The following SEPTIN10 variants were observed in gnomAD, a reference collection of about 807,000 sequenced individuals.
SEPTIN10 encodes the protein septin-10.
SEPTIN10 carries 66 observed loss-of-function variants against 54.8 expected under a neutral mutation model. The ratio of observed to expected loss-of-function variants is 1.21; its 90% CI spans 0.99 to 1.48. SEPTIN10 has a LOEUF of 1.48. Ranked by LOEUF, SEPTIN10 falls within the 40% of genes most tolerant of loss-of-function variation. The pLI is 0.00. For missense variants in SEPTIN10, 620 were observed against 545.6 expected (o/e 1.14, Z -1.36); for synonymous variants, 161 against 181.0 (o/e 0.89, Z 0.89).
chr2:109,606,733 G>A (rs999734033), intron 1 of SEPTIN10, among the ~76,000 whole-genome samples: 18 of 131,490 alleles, frequency 1.4e-4, no homozygotes, highest in African/African-American at 5.3e-4. Flanking sequence ...AGGCTGGAGT[G>A]CAGTGGTGCA....
chr2:109,612,223 G>A (rs183571313), intron 1 of SEPTIN10, among the ~76,000 whole-genome samples: 1 of 152,176 alleles, frequency 6.6e-6, no homozygotes, highest in Admixed American at 6.5e-5. Context: ...GTTACTAACT[G>A]GGTGATTCCA....
intron 5 of SEPTIN10, among the ~76,000 whole-genome samples, chr2:109,568,473 G>C (rs772272038): frequency 6.7e-6 from 1 of 149,796 alleles, no homozygotes; most frequent in Non-Finnish European, 1.5e-5. Flanking sequence ...CTGGGTTCAA[G>C]CGATTCTCTT....
intron 2 of SEPTIN10, among the ~76,000 whole-genome samples, chr2:109,592,533 A>T (rs1389230230): frequency 6.6e-6 from 1 of 151,944 alleles, no homozygotes; most frequent in East Asian, 1.9e-4. Context: ...TAATCCTAGC[A>T]CTTTGGGAGG....
chr2:109,609,081 T>C (rs897431309), intron 1 of SEPTIN10, among the ~76,000 whole-genome samples: 61 of 152,192 alleles, frequency 4.0e-4, no homozygotes, highest in African/African-American at 1.5e-3. Flanking sequence ...AAACATAACC[T>C]GGCACTATGT....
intron 2 of SEPTIN10, among the ~76,000 whole-genome samples, chr2:109,589,132 GTTTGT>G (rs1239231041): frequency 2.0e-5 from 3 of 151,962 alleles, no homozygotes; most frequent in East Asian, 1.9e-4. Context: ...GTTGTTGTTG[GTTTGT>G]TTTGTTTTTT....
At position 109,553,154 on chromosome 2, in the gene SEPTIN10, T is replaced by C; in HGVS notation, c.1094A>G (p.Glu365Gly). Residue 365 changes from glutamate to glycine, a missense_variant, in exon 9 of 11, where the codon GAA (glutamate) becomes GGA (glycine). By Grantham distance (98) the Glu-to-Gly change is moderately conservative. Coordinates refer to ENST00000397712, the MANE Select transcript of SEPTIN10 (RefSeq NM_144710.5). ...TCGCTGCACAAACATCTGTTTCATT[T>C]CTTCTTCCTTCCTCTGACGTTCACC... ...FHGERQRKEE[E>G]MKQMFVQRVK... 1 of 1,614,140 alleles carries C rather than the reference T, an allele frequency of 6.2e-7. No homozygotes were observed. Among genetic ancestry groups the C allele is most frequent in the South Asian group, 1.1e-5 (1 of 91,084 alleles).
Position 109,613,841 on chromosome 2 carries a change from G to A in SEPTIN10, c.-14C>T. ...GGAGGAGGCCATGGTCGCGGGCAGGGGCACGGTGAAGCGGCTGTATCAGCC... is the reference window on the plus strand; with the variant it reads ...GGAGGAGGCCATGGTCGCGGGCAGGAGCACGGTGAAGCGGCTGTATCAGCC... On this transcript the variant is annotated 5_prime_UTR_variant, in exon 1 of 11. Coordinates refer to ENST00000397712, the MANE Select transcript of SEPTIN10 (RefSeq NM_144710.5). 5 of 1,237,240 alleles carry A rather than the reference G, an allele frequency of 4.0e-6. No individual in the cohort carries two copies. Among genetic ancestry groups the A allele is most frequent in the South Asian group, 3.9e-5 (1 of 25,834 alleles). 76.6% of individuals were successfully genotyped at this position (1,237,240 alleles called of 1,614,324 possible). A position where few individuals can be genotyped will look rare whatever the true frequency, so the allele number is the denominator to read the frequency against.
chr2:109,577,280 A>G (rs1689901644), intron 4 of SEPTIN10, among the ~76,000 whole-genome samples: 1 of 152,198 alleles, frequency 6.6e-6, no homozygotes, highest in Non-Finnish European at 1.5e-5. Context: ...CTGGCCATAT[A>G]ATAATACCTC....
At chr2:109,545,759 C>G (rs1361325444) in intron 10 of SEPTIN10, 7 of 1,426,058 alleles carry the variant, frequency 4.9e-6, no homozygotes, top group Non-Finnish European at 6.4e-6. Flanking sequence ...ATAAGAGCAG[C>G]CATTTTCCCC....
At chr2:109,571,411 T>A (rs1254652093) in intron 5 of SEPTIN10, among the ~76,000 whole-genome samples, 2 of 152,214 alleles carry the variant, frequency 1.3e-5, no homozygotes, top group Non-Finnish European at 2.9e-5. Context: ...CTAGGCTGTA[T>A]GGTATGGCTC....
intron 9 of SEPTIN10, among the ~76,000 whole-genome samples, chr2:109,547,088 C>T (rs1681452426): frequency 3.3e-5 from 5 of 152,144 alleles, no homozygotes; most frequent in Admixed American, 3.3e-4. Context: ...AAAGGTTAAC[C>T]ACCAAAGACA....
intron 1 of SEPTIN10, chr2:109,613,051 A>T (rs948504421): frequency 1.8e-5 from 10 of 549,164 alleles, no homozygotes; most frequent in African/African-American, 1.7e-4. Flanking sequence ...TAAAAGGGAG[A>T]ATTTGTTTTT....
Position 109,593,118 on chromosome 2 carries a change from A to T in SEPTIN10, c.32T>A (p.Leu11His), listed in dbSNP as rs1694467792. Residue 11 changes from leucine (L) to histidine (H), a missense_variant and splice_region_variant, in exon 2 of 11, where the codon CTC (leucine) becomes CAC (histidine). Transcript: ENST00000397712. MASSEVARHL[L>H]FQSHMATKTT... ...TTTCGTTGCCATGTGAGACTGAAAG[A>T]GCTAAAAAAGGAATACAAAGGCTTA... The T allele has an allele frequency of 1.3e-6, 2 of 1,593,694 alleles. No homozygotes were observed. Among genetic ancestry groups the T allele is most frequent in the African/African-American group, 2.7e-5 (2 of 74,270 alleles).
intron 8 of SEPTIN10, among the ~76,000 whole-genome samples, chr2:109,561,695 A>T (rs1685689667): frequency 6.6e-6 from 1 of 151,534 alleles, no homozygotes; most frequent in Non-Finnish European, 1.5e-5. Flanking sequence ...ACACCCCTAA[A>T]CTCTCTGATT....
chr2:109,592,271 C>A (rs1161017239), intron 2 of SEPTIN10, among the ~76,000 whole-genome samples: 1 of 151,826 alleles, frequency 6.6e-6, no homozygotes, highest in East Asian at 1.9e-4. Context: ...TCGAGACCAG[C>A]CTGGGCAACC....
At chr2:109,548,542 G>A (rs1204891591) in intron 9 of SEPTIN10, among the ~76,000 whole-genome samples, 5 of 152,182 alleles carry the variant, frequency 3.3e-5, no homozygotes, top group Admixed American at 1.3e-4. Flanking sequence ...TTGGGAGGCC[G>A]AGGTGGGTGG....
intron 9 of SEPTIN10, among the ~76,000 whole-genome samples, chr2:109,550,860 G>A (rs1288717360): frequency 6.6e-6 from 1 of 152,086 alleles, no homozygotes; most frequent in Admixed American, 6.6e-5. Context: ...TAACGTAGCT[G>A]CATTTTTAAA....
chr2:109,613,671 C>A (rs6594046), intron 1 of SEPTIN10, 127 bp downstream of exon 1: 89,052 of 598,452 alleles, frequency 0.15, 7,325 homozygotes, highest in African/African-American at 0.27. Context: ...GAGCACTGGG[C>A]GGGCGGGGCC....
intron 1 of SEPTIN10, among the ~76,000 whole-genome samples, chr2:109,607,623 G>A (rs1003576596): frequency 6.6e-6 from 1 of 152,078 alleles, no homozygotes; most frequent in Non-Finnish European, 1.5e-5. Flanking sequence ...AATTAAATCT[G>A]TTATTAATTA....
Sources: gnomAD v4.1 joint callset for allele counts (sites outside exome capture counted in the v4.1 genomes callset) on GRCh38, gnomAD v4.1.1 for gene constraint, MANE v1.5 for transcripts, NCBI Gene and HGNC (gene_info 2026-07-23, HGNC 2026-07-21) for gene names.